SPTBN2: variants seen among roughly 807,000 people sequenced by gnomAD.
SPTBN2 encodes spectrin beta, non-erythrocytic 2.
In SPTBN2, 107 loss-of-function variants were observed where a neutral mutation model predicts 284.2. The observed-to-expected ratio is 0.38, with a 90% CI of 0.32 to 0.44. SPTBN2 has a LOEUF of 0.44. Among genes scored for constraint, SPTBN2 ranks in the 20% least tolerant of loss-of-function variants. SPTBN2 has a pLI of 1.00. For missense variants in SPTBN2, 2,569 were observed against 3,287.1 expected (o/e 0.78, Z 5.34); for synonymous variants, 1,289 against 1,354.8 (o/e 0.95, Z 1.07).
rs753856372 is a variant in SPTBN2, at chr11:66,696,114, C to T, written c.4278+163G>A. 6.4e-4 allele frequency among the ~76,000 whole-genome samples: 98 copies of T among 152,256 alleles called. 1 individual carries two copies. The highest frequency in any genetic ancestry group is 3.4e-3 in the Middle Eastern group (1 of 294). The stretch of plus-strand genomic sequence containing the variant: ...TGTCTCCTAACTCTAACCCTGACTG[C>T]GACATATCCCTAGAGATTCTGATAC... On this transcript the variant is annotated intron_variant, in intron 21 of 37. Coordinates refer to ENST00000533211, the MANE Select transcript of SPTBN2 (RefSeq NM_006946.4).
At chr11:66,716,075 A>T in intron 3 of SPTBN2, 94 bp from the exon 4 acceptor site, 1 of 1,554,658 alleles carries the variant, frequency 6.4e-7, no homozygotes, top group Non-Finnish European at 8.8e-7. Context: ...GAGAAGCCTG[A>T]GAGATGGGAA....
Position 66,700,700 on chromosome 11 carries a change from C to A in SPTBN2, c.3399G>T (p.Arg1133=). ...AGAGGCACTGGGGGTCAGCCTGGTC[C>A]CGGGTCACCTCCTCGCCCAGGGCTC... The part of the protein sequence containing the change: ...RLRALGEEVT[R]DQADPQCLFL... The change falls in exon 17 of 38, where the codon CGG becomes CGT. Residue 1133 remains arginine, a synonymous_variant. Coordinates refer to ENST00000533211, the MANE Select transcript of SPTBN2 (RefSeq NM_006946.4). The surrounding 1 kb of genome is among the most constrained non-coding windows in gnomAD (Gnocchi z 6.6). 4 of 1,605,562 alleles carry A rather than the reference C, an allele frequency of 2.5e-6. No homozygotes were observed. The African/African-American group carries it at 4.0e-5, about 16-fold the overall frequency.
Position 66,690,046 on chromosome 11 carries a change from G to A in SPTBN2, c.5803C>T (p.Arg1935Cys), listed in dbSNP as rs530580113. 1.3e-5 allele frequency: 21 copies of A among 1,614,226 alleles called. No homozygotes were observed. The highest frequency in any genetic ancestry group is 9.3e-5 in the African/African-American group (7 of 75,056). The change falls in exon 28 of 38, where the codon CGT (arginine) becomes TGT (cysteine). Residue 1935 changes from arginine to cysteine, a missense_variant. Transcript: ENST00000533211. ...GAGCCCTGGGATTCTCACCGGGGAC[G>A]CTCCTGGGCATCCATCTGCAGGTTG... ...EVNLQMDAQE[R>C]PRDVSSADLV...
In SPTBN2 at chr11:66,705,093, T is replaced by C; in HGVS notation, c.2183A>G (p.Gln728Arg). ...GGCCAGGGCCTCTAGCCGCTCCCACTGGGCTTGGAGTTCAGCTGCACGGGC... is the reference window on the plus strand; with the variant it reads ...GGCCAGGGCCTCTAGCCGCTCCCACCGGGCTTGGAGTTCAGCTGCACGGGC... ...ASARAAELQA[Q>R]WERLEALAEE... Residue 728 changes from glutamine (Q) to arginine (R), a missense_variant, in exon 15 of 38, where the codon CAG (glutamine) becomes CGG (arginine). Around this residue, in one of 6 missense-constraint regions of SPTBN2, gnomAD observed 1,012 missense variants for 1,248.9 expected, o/e 0.81. Transcript: ENST00000533211. 6.4e-7 allele frequency: 1 copy of C among 1,569,234 alleles called. No individual in the cohort carries two copies.
Position 66,721,411 on chromosome 11 carries a change from CA to C in SPTBN2, c.-85del. The C allele has an allele frequency of 1.1e-6, 1 of 901,016 alleles. No homozygotes were observed. Among genetic ancestry groups the C allele is most frequent in the Admixed American group, 2.0e-5 (1 of 49,856 alleles). 55.8% of individuals were successfully genotyped at this position (901,016 alleles called of 1,614,324 possible). A position where few individuals can be genotyped will look rare whatever the true frequency, so the allele number is the denominator to read the frequency against. On this transcript the variant is annotated 5_prime_UTR_variant, in exon 2 of 38. It removes the in-frame stop codon of an upstream open reading frame in the 5' UTR. Coordinates refer to ENST00000533211, the MANE Select transcript of SPTBN2 (RefSeq NM_006946.4). ...TGGCTGCTCAGTGGAAATCAGCCCCCAGGGGAAGAGGGGAAGCCACCTGGGA... is the reference window on the plus strand; with the variant it reads ...TGGCTGCTCAGTGGAAATCAGCCCCCGGGGAAGAGGGGAAGCCACCTGGGA...
rs540571554 is a variant in SPTBN2, at chr11:66,701,662, T to C, written c.2738A>G (p.Asp913Gly). The C allele has an allele frequency of 6.2e-7, 1 of 1,614,074 alleles. No homozygotes were observed. Among genetic ancestry groups the C allele is most frequent in the African/African-American group, 1.3e-5 (1 of 75,000 alleles). Residue 913 changes from aspartate (D) to glycine (G), a missense_variant, in exon 16 of 38, where the codon GAC (aspartate) becomes GGC (glycine). By Grantham distance (94) the Asp-to-Gly change is moderately conservative. Coordinates refer to ENST00000533211, the MANE Select transcript of SPTBN2 (RefSeq NM_006946.4). ...GGCCTTCAGTAACTGCTCGGCAATGTCATTCACCGCGGTGATTTGTGCTGC... is the reference window on the plus strand; with the variant it reads ...GGCCTTCAGTAACTGCTCGGCAATGCCATTCACCGCGGTGATTTGTGCTGC... The part of the protein sequence containing the change: ...TLAAQITAVN[D>G]IAEQLLKANP...
chr11:66,712,585 C>T (rs1283197553), intron 8 of SPTBN2: 1 of 151,704 alleles, frequency 6.6e-6, no homozygotes, highest in Non-Finnish European at 1.5e-5. Flanking sequence ...TTACTGATCT[C>T]ATCGATCTCA....
At chr11:66,724,131 G>A (rs1942530072) in intron 1 of SPTBN2, among the ~76,000 whole-genome samples, 1 of 152,192 alleles carries the variant, frequency 6.6e-6, no homozygotes. Context: ...TTAAATGACT[G>A]ATTTTTTGGC....
intron 8 of SPTBN2, among the ~76,000 whole-genome samples, chr11:66,712,408 G>A (rs557747590): frequency 5.9e-5 from 9 of 152,284 alleles, no homozygotes; most frequent in Admixed American, 4.6e-4. Context: ...TTAGCCGGGC[G>A]TGGTGGGATG....
Position 66,690,238 on chromosome 11 carries a change from C to T in SPTBN2, c.5611G>A (p.Ala1871Thr), listed in dbSNP as rs752677090. 1.1e-5 allele frequency: 18 copies of T among 1,612,678 alleles called. No homozygotes were observed. The highest frequency in any genetic ancestry group is 2.2e-5 in the South Asian group (2 of 91,028). Reference protein sequence around the residue: ...DDGHRLQKAYAGDKAEEIGRH... With the variant: ...DDGHRLQKAYTGDKAEEIGRH... ...CCGATCTCCTCAGCCTTGTCTCCAG[C>T]GTAGGCCTTCTGGAGCCGGTGGCCG... The change falls in exon 28 of 38, where the codon GCT (alanine) becomes ACT (threonine). Residue 1871 changes from alanine (A) to threonine (T), a missense_variant. Physicochemically the swap from Ala to Thr is moderately conservative, Grantham distance 58 (BLOSUM62 0). This residue lies in a region of SPTBN2 where 1,130 missense variants were observed against 1,317.3 expected (regional missense o/e 0.86). Coordinates refer to ENST00000533211, the MANE Select transcript of SPTBN2 (RefSeq NM_006946.4).
rs757308011 is a variant in SPTBN2, at chr11:66,688,031, T to G, written c.6423A>C (p.Gly2141=). ...PPSTQAPSVN[G]VCTDGEPSQP... ...GTGAGGGCTCTCCATCTGTGCAGAC[T>G]CCATTAACACTGGGTGCTTGTGTGG... The change falls in exon 33 of 38, where the codon GGA becomes GGC. Residue 2141 remains glycine, a synonymous_variant. Coordinates refer to ENST00000533211, the MANE Select transcript of SPTBN2 (RefSeq NM_006946.4). 1 of 1,614,020 alleles carries G rather than the reference T, an allele frequency of 6.2e-7. No individual in the cohort carries two copies. Among genetic ancestry groups the G allele is most frequent in the East Asian group, 2.2e-5 (1 of 44,878 alleles).
At chr11:66,732,721 T>G (rs1942822403), upstream of SPTBN2, among the ~76,000 whole-genome samples, 1 of 150,264 alleles carries the variant, frequency 6.7e-6, no homozygotes, top group Non-Finnish European at 1.5e-5. Context: ...ATCCCAGCAC[T>G]TTGGGAGGCT....
upstream of SPTBN2, among the ~76,000 whole-genome samples, chr11:66,730,772 C>T (rs1486257651): frequency 2.0e-5 from 3 of 152,110 alleles, no homozygotes; most frequent in Non-Finnish European, 4.4e-5. Context: ...TTCCTATTTT[C>T]AGCATTTCAT....
intron 21 of SPTBN2, 104 bp downstream of exon 21, chr11:66,696,173 A>G (rs1940900315): frequency 7.2e-7 from 1 of 1,397,540 alleles, no homozygotes; most frequent in Admixed American, 1.8e-5. Context: ...GGGAAATGCT[A>G]GTGAAGGTGT....
chr11:66,712,925 AGCC>A, intron 8 of SPTBN2: 11 of 153,878 alleles, frequency 7.1e-5, no homozygotes, highest in South Asian at 2.0e-4. Flanking sequence ...AACCCACTGC[AGCC>A]TAGAACTCCT....
chr11:66,741,967 T>C (rs1009349663), intron 1 of SPTBN2, among the ~76,000 whole-genome samples: 1 of 152,082 alleles, frequency 6.6e-6, no homozygotes, highest in African/African-American at 2.4e-5. Context: ...ACTGTAGGCA[T>C]GCATCACTGT....
chr11:66,707,948 C>A lies in SPTBN2; in HGVS notation c.1351-130G>T. 1 of 1,382,740 alleles carries A rather than the reference C, an allele frequency of 7.2e-7. No individual in the cohort carries two copies. The highest frequency in any genetic ancestry group is 9.9e-7 in the Non-Finnish European group (1 of 1,012,996). 85.7% of individuals were successfully genotyped at this position (1,382,740 alleles called of 1,614,324 possible). A position where few individuals can be genotyped will look rare whatever the true frequency, so the allele number is the denominator to read the frequency against. ...GGTGGCTCTAAGTTCCCTCTCTATCCCACCCCCATCCTGTCTCACCAACCC... is the reference window on the plus strand; with the variant it reads ...GGTGGCTCTAAGTTCCCTCTCTATCACACCCCCATCCTGTCTCACCAACCC... On this transcript the variant is annotated intron_variant, in intron 12 of 37. Coordinates refer to ENST00000533211, the MANE Select transcript of SPTBN2 (RefSeq NM_006946.4). The surrounding 1 kb of genome is among the most constrained non-coding windows in gnomAD (Gnocchi z 4.9).
rs1330084908 is a variant in SPTBN2, at chr11:66,713,759, G to A, written c.657-13C>T. 1.9e-6 allele frequency: 3 copies of A among 1,580,692 alleles called. No homozygotes were observed. The highest frequency in any genetic ancestry group is 1.3e-5 in the African/African-American group (1 of 74,338). On this transcript the variant is annotated splice_polypyrimidine_tract_variant and intron_variant, in intron 7 of 37. Transcript: ENST00000533211. ...CAGCAGGTCTGGCCTGGGTGGGGAGGCAAGACAGAAGGGATCAGAAACATG... is the reference window on the plus strand; with the variant it reads ...CAGCAGGTCTGGCCTGGGTGGGGAGACAAGACAGAAGGGATCAGAAACATG...
At chr11:66,724,208 G>A (rs1199050197) in intron 1 of SPTBN2, among the ~76,000 whole-genome samples, 1 of 152,200 alleles carries the variant, frequency 6.6e-6, no homozygotes, top group African/African-American at 2.4e-5. Flanking sequence ...ATCACCTGAG[G>A]TCAGGAGTTC....
Sources: allele counts gnomAD v4.1 joint callset (sites outside exome capture counted in the v4.1 genomes callset), GRCh38; gene constraint gnomAD v4.1.1; regional missense constraint gnomAD v4.1.1; non-coding constraint Gnocchi (gnomAD v3.1); transcripts MANE v1.5; gene names NCBI Gene and HGNC (gene_info 2026-07-23, HGNC 2026-07-21).